ZNF496: variants seen among roughly 807,000 people sequenced by gnomAD.
The protein encoded by ZNF496 is NSD1 (nuclear receptor binding SET-domain containing 1)-interacting zinc finger protein 1.
A neutral mutation model predicts 58.9 loss-of-function variants in ZNF496; 11 were observed. The observed-to-expected ratio is 0.19, with a 90% CI of 0.12 to 0.31. ZNF496 has a LOEUF of 0.31. ZNF496 is among the 10% of genes least tolerant of loss of function. ZNF496 has a pLI of 1.00. For synonymous variants in ZNF496, 338 were observed against 318.2 expected (o/e 1.06, Z -0.66); for missense variants, 660 against 783.0 (o/e 0.84, Z 1.88).
rs914430426 is a variant in ZNF496, at chr1:247,309,488, A to G, written c.892+211T>C. The G allele has an allele frequency of 2.1e-6, 3 of 1,404,460 alleles. No homozygotes were observed. The highest frequency in any genetic ancestry group is 2.8e-6 in the Non-Finnish European group (3 of 1,083,820). 87.0% of individuals were successfully genotyped at this position (1,404,460 alleles called of 1,614,324 possible). On this transcript the variant is annotated intron_variant, in intron 8 of 9. Coordinates refer to ENST00000682384, the MANE Select transcript of ZNF496 (RefSeq NM_032752.3). This position sits in a 1 kb window ranked among gnomAD's most constrained non-coding sequence, Gnocchi z 4.3. The stretch of plus-strand genomic sequence containing the variant: ...TTATTTCCCAGTCCTTGGCCAAGGG[A>G]GTACAATTCCAATGCCTGGCAAAAT...
At position 247,322,863 on chromosome 1, in the gene ZNF496, C is replaced by T. The variant is rs569315994; in HGVS notation, c.651+291G>A. On this transcript the variant is annotated intron_variant, in intron 6 of 9. Transcript: ENST00000682384. ...TTCACAAGAGGGGAACTTAGACATG[C>T]TGAGAGGCCCATCAATGGGGACTCA... 57 of 1,134,554 alleles carry T rather than the reference C, an allele frequency of 5.0e-5. No individual in the cohort carries two copies. The Middle Eastern group carries it at 6.4e-4, about 13-fold the overall frequency. The allele number at this position is 1,134,554 out of a possible 1,614,324, so 70.3% of individuals were successfully genotyped here. A position where few individuals can be genotyped will look rare whatever the true frequency, so the allele number is the denominator to read the frequency against.
At position 247,309,327 on chromosome 1, in the gene ZNF496, C is replaced by T. The variant is rs1175624749; in HGVS notation, c.892+372G>A. On this transcript the variant is annotated intron_variant, in intron 8 of 9. Coordinates refer to ENST00000682384, the MANE Select transcript of ZNF496 (RefSeq NM_032752.3). The surrounding 1 kb of genome is among the most constrained non-coding windows in gnomAD (Gnocchi z 4.3). ...ACAGGTGAGGCACCTCAAAGGGCTG[C>T]GCTCGGTGCCCAGTTAGGAGACACT... is the stretch of plus-strand genomic sequence containing the variant. 3.6e-5 allele frequency: 36 copies of T among 1,009,680 alleles called. No individual in the cohort carries two copies. Among genetic ancestry groups the T allele is most frequent in the Non-Finnish European group, 4.0e-5 (33 of 827,754 alleles). The allele number at this position is 1,009,680 out of a possible 1,614,324, so 62.5% of individuals were successfully genotyped here. A position where few individuals can be genotyped will look rare whatever the true frequency, so the allele number is the denominator to read the frequency against.
intron 5 of ZNF496, among the ~76,000 whole-genome samples, chr1:247,324,347 T>A (rs1441543597): frequency 1.3e-5 from 2 of 152,160 alleles, no homozygotes; most frequent in African/African-American, 4.8e-5. Flanking sequence ...GGTCAAAGTG[T>A]ACAAAATTTC....
rs1440380681 is a variant in ZNF496 at position 247,329,085 on chromosome 1, G to A, written c.390+104C>T. On this transcript the variant is annotated intron_variant, in intron 4 of 9. Coordinates refer to ENST00000682384, the MANE Select transcript of ZNF496 (RefSeq NM_032752.3). This position sits in a 1 kb window ranked among gnomAD's most constrained non-coding sequence, Gnocchi z 5.5. ...AGTCTGGACCTAACCAAAGTAAATG[G>A]CTCTCGATGGAACTCCTCATTCCCC... 4.5e-6 allele frequency: 7 copies of A among 1,558,134 alleles called. No individual in the cohort carries two copies. Among genetic ancestry groups the A allele is most frequent in the Non-Finnish European group, 6.1e-6 (7 of 1,140,906 alleles).
In ZNF496 at chr1:247,308,368, C is replaced by T. The variant is rs555917349; in HGVS notation, c.1006+107G>A. On this transcript the variant is annotated intron_variant, in intron 9 of 9. Transcript: ENST00000682384. The surrounding 1 kb of genome is among the most constrained non-coding windows in gnomAD (Gnocchi z 4.5). Reference sequence around the variant, plus strand: ...TATACCACATGTGTATGCACGCACACATGCATTCAACACAACCATCCCCTA... The same window carrying T: ...TATACCACATGTGTATGCACGCACATATGCATTCAACACAACCATCCCCTA... 74 of 999,202 alleles carry T rather than the reference C, an allele frequency of 7.4e-5. No individual in the cohort carries two copies. In the African/African-American group the frequency reaches 1.1e-3, roughly 15 times the overall value. 61.9% of individuals were successfully genotyped at this position (999,202 alleles called of 1,614,324 possible).
At chr1:247,326,270 G>C (rs535955285) in intron 5 of ZNF496, among the ~76,000 whole-genome samples, 15 of 152,048 alleles carry the variant, frequency 9.9e-5, no homozygotes, top group Admixed American at 2.0e-4. Flanking sequence ...AGCTTTTGGG[G>C]AAGATCTTCA....
intron 6 of ZNF496, among the ~76,000 whole-genome samples, chr1:247,319,291 G>A (rs1304078090): frequency 1.3e-5 from 2 of 152,118 alleles, no homozygotes; most frequent in Non-Finnish European, 1.5e-5. Flanking sequence ...CCCGAACAAA[G>A]GAAATAAGCT....
rs951246386 is a variant in ZNF496, at chr1:247,316,990, G to A, written c.651+6164C>T. 3.3e-5 allele frequency among the ~76,000 whole-genome samples: 5 copies of A among 152,322 alleles called. No homozygotes were observed. The East Asian group carries it at 9.6e-4, about 29-fold the overall frequency. On this transcript the variant is annotated intron_variant, in intron 6 of 9. Coordinates refer to ENST00000682384, the MANE Select transcript of ZNF496 (RefSeq NM_032752.3). ...TAGACCATGCAGAATCTTCTCACAT[G>A]ACTGGGGATGAGTGGTATCTTTTCA...
intron 9 of ZNF496, among the ~76,000 whole-genome samples, chr1:247,304,491 C>T (rs1659346275): frequency 6.6e-6 from 1 of 151,948 alleles, no homozygotes; most frequent in African/African-American, 2.4e-5. Flanking sequence ...CCTGCCTCAG[C>T]CTCCTGAGTA....
chr1:247,301,880 G>C (rs1297942618), intron 9 of ZNF496, among the ~76,000 whole-genome samples: 1 of 152,204 alleles, frequency 6.6e-6, no homozygotes. Flanking sequence ...ACTCAGCCTT[G>C]CTAGGCTGCT....
Position 247,311,399 on chromosome 1 carries a change from TA to T in ZNF496, c.652-944del, listed in dbSNP as rs1415595363. ...TGGGCAACAGGGTGAGACTCAGTCT[TA>T]AAAAAAAAAAAACAAAACACACACA... On this transcript the variant is annotated intron_variant, in intron 6 of 9. Coordinates refer to ENST00000682384, the MANE Select transcript of ZNF496 (RefSeq NM_032752.3). The T allele has an allele frequency of 5.7e-3, 703 of 123,216 alleles. 3 individuals are homozygous for T. Among genetic ancestry groups the T allele is most frequent in the Middle Eastern group, 8.8e-3 (2 of 228 alleles). 7.6% of individuals were successfully genotyped at this position (123,216 alleles called of 1,614,324 possible). A position where few individuals can be genotyped will look rare whatever the true frequency, so the allele number is the denominator to read the frequency against.
chr1:247,301,064 C>T lies in ZNF496; in HGVS notation c.1219G>A (p.Val407Met). Residue 407 changes from valine to methionine, a missense_variant, in exon 10 of 10, where the codon GTG (valine) becomes ATG (methionine). By Grantham distance (21) the Val-to-Met change is conservative (BLOSUM62 1). Transcript: ENST00000682384. ...GEVQTSKKSY[V>M]CPNCGKIFRW... ...AAGATTTTCCCACAGTTCGGACACA[C>T]GTAGGACTTCTTGGAGGTCTGCACC... The T allele has an allele frequency of 6.2e-7, 1 of 1,613,734 alleles. No homozygotes were observed. The highest frequency in any genetic ancestry group is 8.5e-7 in the Non-Finnish European group (1 of 1,180,028).
chr1:247,328,585 T>A, intron 5 of ZNF496, 98 bp downstream of exon 5: 1 of 1,297,400 alleles, frequency 7.7e-7, no homozygotes, highest in Non-Finnish European at 1.0e-6. Context: ...ACACTGCTGA[T>A]GTAAAAGCCA....
intron 5 of ZNF496, among the ~76,000 whole-genome samples, chr1:247,323,462 A>G (rs1660023364): frequency 6.6e-6 from 1 of 152,200 alleles, no homozygotes; most frequent in Admixed American, 6.5e-5. Flanking sequence ...TGTAAACCAC[A>G]AAGATTGCTG....
intron 9 of ZNF496, among the ~76,000 whole-genome samples, chr1:247,303,153 A>G (rs1659301371): frequency 6.6e-6 from 1 of 152,190 alleles, no homozygotes; most frequent in African/African-American, 2.4e-5. Context: ...CCAATCCAAA[A>G]TCACTGGTCT....
intron 6 of ZNF496, among the ~76,000 whole-genome samples, chr1:247,316,704 C>T (rs1572084575): frequency 1.3e-5 from 2 of 152,214 alleles, no homozygotes; most frequent in Admixed American, 1.3e-4. Flanking sequence ...ACTGACTAGA[C>T]AGTCAAGGCA....
rs1191174970 is a variant in ZNF496 at position 247,309,427 on chromosome 1, G to A, written c.892+272C>T. 1 of 1,296,598 alleles carries A rather than the reference G, an allele frequency of 7.7e-7. No homozygotes were observed. The highest frequency in any genetic ancestry group is 1.5e-5 in the African/African-American group (1 of 66,696). The allele number at this position is 1,296,598 out of a possible 1,614,324, so 80.3% of individuals were successfully genotyped here. ...GCTGCTGCATTGTCAGCACAAACCA[G>A]ATGTTACTTACAGGCAGAGGAGAAA... On this transcript the variant is annotated intron_variant, in intron 8 of 9. Transcript: ENST00000682384. This position sits in a 1 kb window ranked among gnomAD's most constrained non-coding sequence, Gnocchi z 4.3.
At position 247,308,733 on chromosome 1, in the gene ZNF496, TAA is replaced by T. The variant is rs1659497894; in HGVS notation, c.893-147_893-146del. The T allele has an allele frequency of 2.9e-6, 2 of 679,914 alleles. No individual in the cohort carries two copies. Among genetic ancestry groups the T allele is most frequent in the African/African-American group, 3.6e-5 (2 of 55,566 alleles). The allele number at this position is 679,914 out of a possible 1,614,324, so 42.1% of individuals were successfully genotyped here. A position where few individuals can be genotyped will look rare whatever the true frequency, so the allele number is the denominator to read the frequency against. ...GGACTGGCAGGGGGTGGCCACTCAATAAGTGTCTGCTGAGTGAATGAACCTGA... is the reference window on the plus strand; with the variant it reads ...GGACTGGCAGGGGGTGGCCACTCAATGTGTCTGCTGAGTGAATGAACCTGA... On this transcript the variant is annotated intron_variant, in intron 8 of 9. Coordinates refer to ENST00000682384, the MANE Select transcript of ZNF496 (RefSeq NM_032752.3). This position sits in a 1 kb window ranked among gnomAD's most constrained non-coding sequence, Gnocchi z 4.5.
chr1:247,318,177 T>C (rs1210877614), intron 6 of ZNF496, among the ~76,000 whole-genome samples: 5 of 152,258 alleles, frequency 3.3e-5, no homozygotes, highest in African/African-American at 1.2e-4. Context: ...AGTTATTCCA[T>C]CTGAACAACA....
Sources: allele counts gnomAD v4.1 joint callset (sites outside exome capture counted in the v4.1 genomes callset), GRCh38; gene constraint gnomAD v4.1.1; non-coding constraint Gnocchi (gnomAD v3.1); transcripts MANE v1.5; gene names NCBI Gene and HGNC (gene_info 2026-07-23, HGNC 2026-07-21).